Variants in PARN observed in about 807,000 individuals in gnomAD.
The protein encoded by PARN is poly(A)-specific ribonuclease.
Under a neutral mutation model 102.8 loss-of-function variants are expected in PARN, and 71 were observed. That is an observed-to-expected ratio of 0.69 (90% CI 0.57 to 0.84). The LOEUF (loss-of-function observed/expected upper bound fraction) is 0.84, where lower values mean the gene tolerates loss of function less well. PARN is among the 40% of genes least tolerant of loss of function. PARN has a pLI of 0.00. For missense variants in PARN, 782 were observed against 760.9 expected, an observed-to-expected ratio of 1.03 and a Z score of -0.33; for synonymous variants, 261 against 252.9, an observed-to-expected ratio of 1.03 and a Z score of -0.30.
At chr16:14,546,671 A>T (rs1966963674) in intron 21 of PARN, among the ~76,000 whole-genome samples, 1 of 152,236 alleles carries the variant, frequency 6.6e-6, no homozygotes, top group Non-Finnish European at 1.5e-5. Flanking sequence ...CACTCAAAAC[A>T]ATGTCTAAAT....
chr16:14,442,523 T>C (rs1596423176), intron 23 of PARN, among the ~76,000 whole-genome samples: 1 of 152,174 alleles, frequency 6.6e-6, no homozygotes, highest in East Asian at 1.9e-4. Context: ...AAGAAAAATA[T>C]TTGCTGAGTA....
intron 2 of PARN, among the ~76,000 whole-genome samples, chr16:14,629,357 C>G (rs914999849): frequency 9.8e-5 from 15 of 152,346 alleles, no homozygotes; most frequent in African/African-American, 3.4e-4. Context: ...CTGTTTTAAG[C>G]AGCATCAAAA....
intron 18 of PARN, among the ~76,000 whole-genome samples, chr16:14,569,751 G>T (rs1489733034): frequency 2.6e-5 from 4 of 152,160 alleles, no homozygotes. Flanking sequence ...ACAGATTAGA[G>T]GTAACCAGGA....
intron 18 of PARN, among the ~76,000 whole-genome samples, chr16:14,559,488 G>A (rs1363068789): frequency 6.6e-6 from 1 of 151,822 alleles, no homozygotes; most frequent in Admixed American, 6.6e-5. Flanking sequence ...ATAGAGGCAT[G>A]CAATGTGAAA....
At chr16:14,620,751 T>TTTCA (rs1972245130) in intron 5 of PARN, among the ~76,000 whole-genome samples, 1 of 152,210 alleles carries the variant, frequency 6.6e-6, no homozygotes, top group East Asian at 1.9e-4. Context: ...GGGAAAGCTA[T>TTTCA]ACTAATCCTG....
rs374706953 is a variant in PARN, at chr16:14,554,059, A to G, written c.1405+6T>C. 10 of 1,599,840 alleles carry G rather than the reference A, an allele frequency of 6.3e-6. No individual in the cohort carries two copies. The highest frequency in any genetic ancestry group is 8.6e-6 in the Non-Finnish European group (10 of 1,169,414). ...CCTAAAAAGTACATCTGAACTTGCG[A>G]CTTACCAAAGGCACTGAAAAGCTGG... On this transcript the variant is annotated splice_donor_region_variant and intron_variant, in intron 20 of 23. Transcript: ENST00000437198.
At chr16:14,608,253 A>G in intron 9 of PARN, 28 bp downstream of exon 9, 1 of 1,482,824 alleles carries the variant, frequency 6.7e-7, no homozygotes, top group Non-Finnish European at 9.2e-7. Flanking sequence ...TCCCCCACAG[A>G]GCTGCTGCAT....
chr16:14,566,678 G>A (rs1166166102), intron 18 of PARN, among the ~76,000 whole-genome samples: 1 of 152,188 alleles, frequency 6.6e-6, no homozygotes, highest in Non-Finnish European at 1.5e-5. Flanking sequence ...AGGGTTGACT[G>A]ATTTCCTTTT....
At chr16:14,444,130 C>T (rs1961084293) in intron 23 of PARN, among the ~76,000 whole-genome samples, 1 of 152,146 alleles carries the variant, frequency 6.6e-6, no homozygotes. Flanking sequence ...GATATCCTGA[C>T]CTATATCCTG....
rs1410728352 is a variant in PARN at position 14,436,783 on chromosome 16, A to G, written c.1865-11T>C. On this transcript the variant is annotated splice_polypyrimidine_tract_variant and intron_variant, in intron 23 of 23. Transcript: ENST00000437198. Reference sequence around the variant, plus strand: ...TCTTCGAGATGCTTCCTGGTGGGAAAGAACAAAACAATATGAACAGCAGGA... The same window carrying G: ...TCTTCGAGATGCTTCCTGGTGGGAAGGAACAAAACAATATGAACAGCAGGA... 7 of 1,575,456 alleles carry G rather than the reference A, an allele frequency of 4.4e-6. No individual in the cohort carries two copies. The highest frequency in any genetic ancestry group is 1.9e-5 in the Admixed American group (1 of 54,010).
At position 14,554,078 on chromosome 16, in the gene PARN, A is replaced by G. The variant is rs550989940; in HGVS notation, c.1392T>C (p.Leu464=). 1.7e-5 allele frequency: 28 copies of G among 1,611,650 alleles called. No homozygotes were observed. The highest frequency in any genetic ancestry group is 2.2e-5 in the South Asian group (2 of 90,414). ...KEWKTSDLYQ[L]FSAFGNIQIS... ...CTTGCGACTTACCAAAGGCACTGAA[A>G]AGCTGGTAAAGGTCGCTGGTTTTCC... is the stretch of plus-strand genomic sequence containing the variant. The change falls in exon 20 of 24, where the codon CTT becomes CTC. Residue 464 remains leucine (L), a synonymous_variant. Coordinates refer to ENST00000437198, the MANE Select transcript of PARN (RefSeq NM_002582.4).
In PARN at chr16:14,630,107, T is replaced by G. The variant is rs1371498176; in HGVS notation, c.19A>C (p.Asn7His). 70 of 1,561,152 alleles carry G rather than the reference T, an allele frequency of 4.5e-5. No homozygotes were observed. Among genetic ancestry groups the G allele is most frequent in the Non-Finnish European group, 5.6e-5 (65 of 1,151,794 alleles). Residue 7 changes from asparagine to histidine, a missense_variant and splice_region_variant, in exon 1 of 24, where the codon AAT becomes CAT. Transcript: ENST00000437198. ...GGGGAGGTGTACGGCGGACACGCACTGCTCCTGATTATCTCCATTCTGCAG... is the reference window on the plus strand; with the variant it reads ...GGGGAGGTGTACGGCGGACACGCACGGCTCCTGATTATCTCCATTCTGCAG... MEIIRS[N>H]FKSNLHKVYQ...
chr16:14,462,336 A>G (rs529047521), intron 22 of PARN, among the ~76,000 whole-genome samples: 6 of 152,306 alleles, frequency 3.9e-5, no homozygotes, highest in African/African-American at 1.4e-4. Flanking sequence ...CAAATAGATG[A>G]AAGACAATAG....
chr16:14,523,114 CAA>C (rs1334354525), intron 21 of PARN, among the ~76,000 whole-genome samples: 1 of 151,682 alleles, frequency 6.6e-6, no homozygotes, highest in Non-Finnish European at 1.5e-5. Flanking sequence ...AGTTATCGGA[CAA>C]AAATGAGTTC....
At chr16:14,612,488 T>C (rs978255202) in intron 6 of PARN, among the ~76,000 whole-genome samples, 1 of 152,032 alleles carries the variant, frequency 6.6e-6, no homozygotes, top group African/African-American at 2.4e-5. Context: ...GTTCAAGCGA[T>C]TGGGAAGATG....
intron 12 of PARN, among the ~76,000 whole-genome samples, chr16:14,593,936 G>T (rs903410575): frequency 2.0e-5 from 3 of 151,986 alleles, no homozygotes; most frequent in Admixed American, 6.6e-5. Flanking sequence ...GGCAGAGGCT[G>T]CAGTGAGCCA....
At chr16:14,559,608 A>C (rs1444826041) in intron 18 of PARN, among the ~76,000 whole-genome samples, 1 of 151,784 alleles carries the variant, frequency 6.6e-6, no homozygotes, top group African/African-American at 2.4e-5. Flanking sequence ...TTATTACCAA[A>C]TATAGTCACC....
At chr16:14,568,458 T>A (rs74888965) in intron 18 of PARN, among the ~76,000 whole-genome samples, 4 of 141,300 alleles carry the variant, frequency 2.8e-5, no homozygotes, top group Non-Finnish European at 4.7e-5. Context: ...AAAAAAAAAA[T>A]AGCTGGGTGT....
intron 21 of PARN, among the ~76,000 whole-genome samples, chr16:14,506,457 T>C (rs1319669026): frequency 2.0e-5 from 3 of 152,230 alleles, no homozygotes; most frequent in Non-Finnish European, 4.4e-5. Flanking sequence ...GTGTGATAAA[T>C]ATATTAGGGC....
Sources: allele counts gnomAD v4.1 joint callset (sites outside exome capture counted in the v4.1 genomes callset), GRCh38; gene constraint gnomAD v4.1.1; transcripts MANE v1.5; gene names NCBI Gene and HGNC (gene_info 2026-07-23, HGNC 2026-07-21).